CFAP47: variants seen among roughly 807,000 people sequenced by gnomAD.
CFAP47 encodes the protein cilia and flagella associated protein 47, also known as cilia- and flagella-associated protein 47.
Under a neutral mutation model 148.1 loss-of-function variants are expected in CFAP47, and 29 were observed. That is an observed-to-expected ratio of 0.20 (90% CI 0.15 to 0.27). The LOEUF is 0.27. Ranked by LOEUF, CFAP47 falls within the 10% of genes least tolerant of loss-of-function variation. The probability of loss-of-function intolerance (pLI) is 1.00; values close to 1 mark genes in which losing one functional copy is unlikely to be tolerated. For synonymous variants in CFAP47, 664 were observed against 577.3 expected, an observed-to-expected ratio of 1.15 and a Z score of -2.15; for missense variants, 1,872 against 1,697.5, an observed-to-expected ratio of 1.10 and a Z score of -1.81.
At position 36,384,911 on chromosome X, in the gene CFAP47, G is replaced by GT; in HGVS notation, c.9470dup (p.Arg3158ProfsTer4). The GT allele has an allele frequency of 8.6e-7, 1 of 1,165,947 alleles. No homozygotes were observed. The highest frequency in any genetic ancestry group is 2.3e-4 in the Middle Eastern group (1 of 4,305). ...TCACAAGACACATGACAACATGCCA[G>GT]TCCGTCCACATAATTTTGTCCGTGA... On this transcript the variant is annotated frameshift_variant, in exon 64 of 64. Transcript: ENST00000378653. LOFTEE classifies it low-confidence loss of function (END_TRUNC).
chrX:36,166,474 G>A (rs1416093154), intron 39 of CFAP47, among the ~76,000 whole-genome samples: 1 of 110,272 alleles, frequency 9.1e-6, no homozygotes, highest in Non-Finnish European at 1.9e-5. Context: ...TTTCTTTGTT[G>A]ATATTCTCTA....
At chrX:35,967,961 A>AT (rs1936434577) in intron 10 of CFAP47, 129 bp downstream of exon 10, 1 of 283,229 alleles carries the variant, frequency 3.5e-6, no homozygotes, top group African/African-American at 2.9e-5. Flanking sequence ...AATAATAATA[A>AT]AACTGCAATT....
At chrX:36,241,513 A>T (rs1206867038) in intron 48 of CFAP47, among the ~76,000 whole-genome samples, 1 of 111,268 alleles carries the variant, frequency 9.0e-6, no homozygotes. Flanking sequence ...TACAGCCTAC[A>T]CTCTCCAGGC....
intron 33 of CFAP47, among the ~76,000 whole-genome samples, chrX:36,131,355 A>C (rs762638762): frequency 2.7e-5 from 3 of 111,281 alleles, no homozygotes; most frequent in Admixed American, 1.9e-4. Context: ...CAAAATGTTA[A>C]AATTAGATTA....
intron 42 of CFAP47, among the ~76,000 whole-genome samples, chrX:36,195,734 A>T (rs1939912787): frequency 9.0e-6 from 1 of 111,428 alleles, no homozygotes; most frequent in Non-Finnish European, 1.9e-5. Flanking sequence ...TGCTATAAAG[A>T]TCAAACTTAA....
chrX:36,010,723 G>A (rs1475345603), intron 21 of CFAP47, among the ~76,000 whole-genome samples: 1 of 111,287 alleles, frequency 9.0e-6, no homozygotes, highest in African/African-American at 3.3e-5. Context: ...CTCCCAAAGT[G>A]TTTTGTCATT....
At position 36,384,962 on chromosome X, in the gene CFAP47, G is replaced by A. The variant is rs1556024911; in HGVS notation, c.9520G>A (p.Val3174Met). ...RENTKLIRTGVSSTIKGAPLV... is the reference protein window; with the variant it reads ...RENTKLIRTGMSSTIKGAPLV... The stretch of plus-strand genomic sequence containing the variant: ...AAATACTAAACTCATAAGAACAGGG[G>A]TGTCTTCCACCATCAAGGGTGCTCC... The change falls in exon 64 of 64, where the codon GTG (valine) becomes ATG (methionine). Residue 3174 changes from valine to methionine, a missense_variant. Transcript: ENST00000378653. 7 of 1,166,769 alleles carry A rather than the reference G, an allele frequency of 6.0e-6. No homozygotes were observed. The highest frequency in any genetic ancestry group is 1.9e-5 in the South Asian group (1 of 52,704).
chrX:36,209,095 T>C (rs976951447), intron 45 of CFAP47, among the ~76,000 whole-genome samples: 1 of 112,510 alleles, frequency 8.9e-6, no homozygotes, highest in African/African-American at 3.2e-5. Flanking sequence ...AAATAAATTT[T>C]GTTTAACAGA....
chrX:36,243,467 A>G (rs1940572159), intron 48 of CFAP47, among the ~76,000 whole-genome samples: 1 of 108,908 alleles, frequency 9.2e-6, no homozygotes, highest in African/African-American at 3.3e-5. Flanking sequence ...CCACAGGCTC[A>G]AAGTAAAAAG....
intron 57 of CFAP47, among the ~76,000 whole-genome samples, chrX:36,341,314 C>T (rs1022815327): frequency 9.0e-6 from 1 of 111,057 alleles, no homozygotes; most frequent in Non-Finnish European, 1.9e-5. Context: ...GGATTACAGG[C>T]GTGAGCCACC....
At chrX:36,242,831 C>G (rs1940562311) in intron 48 of CFAP47, among the ~76,000 whole-genome samples, 1 of 111,079 alleles carries the variant, frequency 9.0e-6, no homozygotes, top group Admixed American at 9.6e-5. Flanking sequence ...TACAGAGAAC[C>G]CTGGCTAGAT....
chrX:36,288,628 A>C (rs1308057232), intron 51 of CFAP47, among the ~76,000 whole-genome samples: 1 of 112,508 alleles, frequency 8.9e-6, no homozygotes, highest in Non-Finnish European at 1.9e-5. Context: ...GAAATTCACT[A>C]TATTGTTAAT....
Position 36,256,188 on chromosome X carries a change from A to C in CFAP47, c.7444+4744A>C, listed in dbSNP as rs1027732906. 5.8e-4 allele frequency among the ~76,000 whole-genome samples: 65 copies of C among 112,256 alleles called. 3 individuals carry two copies. The highest frequency in any genetic ancestry group is 3.5e-3 in the Admixed American group (37 of 10,613). On this transcript the variant is annotated intron_variant, in intron 49 of 63. Coordinates refer to ENST00000378653, the MANE Select transcript of CFAP47 (RefSeq NM_001304548.2). ...GCCTGTTACTTATTTGCAGTGGTGA[A>C]ATATGCAAATAAATTTTCATTTATC...
chrX:35,932,902 G>A (rs73466969), intron 2 of CFAP47, among the ~76,000 whole-genome samples: 4,321 of 111,344 alleles, frequency 0.039, 211 homozygotes, highest in African/African-American at 0.13. Flanking sequence ...TGGCATTCAG[G>A]TGTGAGCTGC....
At chrX:35,976,625 T>C (rs780263846) in intron 15 of CFAP47, among the ~76,000 whole-genome samples, 11 of 111,558 alleles carry the variant, frequency 9.9e-5, no homozygotes, top group East Asian at 5.7e-4. Flanking sequence ...ATAAAATTGA[T>C]CATCACAGAT....
intron 45 of CFAP47, among the ~76,000 whole-genome samples, chrX:36,208,912 G>T: frequency 9.1e-6 from 1 of 109,413 alleles, no homozygotes. Flanking sequence ...TTTGCAGTGA[G>T]CCGAGATCAC....
At chrX:36,013,353 G>A (rs1439609970) in intron 21 of CFAP47, among the ~76,000 whole-genome samples, 1 of 111,699 alleles carries the variant, frequency 9.0e-6, no homozygotes, top group African/African-American at 3.3e-5. Flanking sequence ...AGTCCATTTC[G>A]GGTTTTGAAT....
chrX:36,183,639 C>T (rs940706380), intron 40 of CFAP47, among the ~76,000 whole-genome samples: 1 of 112,028 alleles, frequency 8.9e-6, no homozygotes, highest in Non-Finnish European at 1.9e-5. Flanking sequence ...ATGAGCTGCT[C>T]TTTGTAAGCA....
chrX:35,984,515 G>A (rs1296047088), intron 15 of CFAP47, among the ~76,000 whole-genome samples: 1 of 110,950 alleles, frequency 9.0e-6, no homozygotes, highest in African/African-American at 3.3e-5. Context: ...TTGGTTTGCT[G>A]TTTTTCTAGT....
Sources: allele counts gnomAD v4.1 joint callset (sites outside exome capture counted in the v4.1 genomes callset), GRCh38; gene constraint gnomAD v4.1.1; transcripts MANE v1.5; gene names NCBI Gene and HGNC (gene_info 2026-07-23, HGNC 2026-07-21).